DMD: variants seen among roughly 807,000 people sequenced by gnomAD.
DMD encodes dystrophin.
A neutral mutation model predicts 330.1 loss-of-function variants in DMD; 63 were observed. The observed-to-expected ratio is 0.19, with a 90% CI of 0.16 to 0.24. DMD has a LOEUF of 0.24. Among genes scored for constraint, DMD ranks in the 10% least tolerant of loss-of-function variants. The pLI, the probability that DMD is intolerant of heterozygous loss-of-function variation, is 1.00. For missense variants in DMD, 3,344 were observed against 2,684.1 expected (o/e 1.25, Z -5.43); for synonymous variants, 1,223 against 959.8 (o/e 1.27, Z -5.07).
At chrX:32,482,778 G>T (rs2042027432) in intron 21 of DMD, among the ~76,000 whole-genome samples, 1 of 110,979 alleles carries the variant, frequency 9.0e-6, no homozygotes, top group Non-Finnish European at 1.9e-5. Context: ...AGTAAAAAGT[G>T]CTTTGAAAAT....
chrX:32,728,415 G>A (rs2067142102), intron 7 of DMD, among the ~76,000 whole-genome samples: 2 of 111,814 alleles, frequency 1.8e-5, no homozygotes, highest in Admixed American at 1.9e-4. Context: ...CATAAATGGA[G>A]TCCAGGCACT....
intron 7 of DMD, among the ~76,000 whole-genome samples, chrX:32,733,017 C>A (rs957764079): frequency 9.1e-6 from 1 of 110,426 alleles, no homozygotes; most frequent in Non-Finnish European, 1.9e-5. Context: ...TCAGGAAACC[C>A]ATCTCATGTG....
chrX:31,743,763 A>C (rs1390291902), intron 51 of DMD, among the ~76,000 whole-genome samples: 2 of 111,954 alleles, frequency 1.8e-5, no homozygotes, highest in African/African-American at 6.5e-5. Flanking sequence ...TGACAGTATC[A>C]TTTGTACTCC....
chrX:31,484,017 A>C (rs1428962643), intron 57 of DMD, among the ~76,000 whole-genome samples: 1 of 111,922 alleles, frequency 8.9e-6, no homozygotes, highest in Non-Finnish European at 1.9e-5. Flanking sequence ...GCAATGTAGA[A>C]TCTGCATTAA....
At chrX:33,168,116 T>A (rs2049150955) in intron 1 of DMD, among the ~76,000 whole-genome samples, 1 of 109,959 alleles carries the variant, frequency 9.1e-6, no homozygotes, top group Non-Finnish European at 1.9e-5. Context: ...TGCATGTGTG[T>A]GTGTGTTTGT....
intron 12 of DMD, among the ~76,000 whole-genome samples, chrX:32,601,188 A>G (rs1288217026): frequency 9.0e-6 from 1 of 111,480 alleles, no homozygotes; most frequent in Admixed American, 9.6e-5. Flanking sequence ...TCACTTTGCT[A>G]AGCCTGGCTG....
chrX:32,298,683 C>G (rs1340317843), intron 42 of DMD, among the ~76,000 whole-genome samples: 1 of 110,505 alleles, frequency 9.0e-6, no homozygotes, highest in Non-Finnish European at 1.9e-5. Flanking sequence ...TGTAGACAAT[C>G]TTAGCCATTT....
intron 50 of DMD, among the ~76,000 whole-genome samples, chrX:31,776,819 T>G (rs761689721): frequency 8.9e-6 from 1 of 111,905 alleles, no homozygotes; most frequent in Non-Finnish European, 1.9e-5. Context: ...GATGATAAAT[T>G]AGCTGAAGCA....
intron 2 of DMD, among the ~76,000 whole-genome samples, chrX:32,906,838 G>A (rs2086768790): frequency 9.0e-6 from 1 of 111,409 alleles, no homozygotes; most frequent in Non-Finnish European, 1.9e-5. Flanking sequence ...GAGAGGGACT[G>A]TACTAATTTG....
At chrX:33,129,658 G>A (rs893180444) in intron 1 of DMD, among the ~76,000 whole-genome samples, 1 of 109,022 alleles carries the variant, frequency 9.2e-6, no homozygotes, top group Non-Finnish European at 1.9e-5. Flanking sequence ...TTTCAGATGC[G>A]GAAATTTCAT....
chrX:32,557,102 C>T (rs1298998791), intron 16 of DMD, among the ~76,000 whole-genome samples: 1 of 111,082 alleles, frequency 9.0e-6, no homozygotes, highest in Admixed American at 9.7e-5. Context: ...CTCACAATGG[C>T]CCTAAGAGTA....
At chrX:33,072,406 G>A (rs867210) in intron 1 of DMD, among the ~76,000 whole-genome samples, 2,447 of 111,937 alleles carry the variant, frequency 0.022, 58 homozygotes, top group African/African-American at 0.076. Context: ...CGATAAGAGT[G>A]AAACTCTGTT....
chrX:32,455,085 G>A (rs759622971), intron 25 of DMD, among the ~76,000 whole-genome samples: 1 of 111,011 alleles, frequency 9.0e-6, no homozygotes, highest in Non-Finnish European at 1.9e-5. Context: ...TAATTCAGCT[G>A]TTTGTGTGAC....
intron 9 of DMD, among the ~76,000 whole-genome samples, chrX:32,650,219 T>C (rs2060057433): frequency 8.9e-6 from 1 of 112,095 alleles, no homozygotes; most frequent in Non-Finnish European, 1.9e-5. Flanking sequence ...TAAAATGGAT[T>C]TTGGCAATTT....
At chrX:31,452,831 T>C (rs150896518) in intron 59 of DMD, among the ~76,000 whole-genome samples, 226 of 111,739 alleles carry the variant, frequency 2.0e-3, no homozygotes, top group African/African-American at 7.0e-3. Context: ...ATTTCCTTCA[T>C]GTATAAAATT....
Position 31,794,718 on chromosome X carries a change from CT to C in DMD, c.7310-20527del, listed in dbSNP as rs373671829. Among the ~76,000 whole-genome samples the C allele has an allele frequency of 9.8e-3, 977 of 99,245 alleles. 6 individuals carry two copies. The highest frequency in any genetic ancestry group is 0.027 in the African/African-American group (737 of 27,553). 86.2% of individuals were successfully genotyped at this position (99,245 alleles called of 115,157 possible). ...ATTGTATTATGATAAGCTAGTTCCT[CT>C]TTTTTTTTTTTTTAAGTTGAGCTAT... On this transcript the variant is annotated intron_variant, in intron 50 of 78. Coordinates refer to ENST00000357033, the MANE Select transcript of DMD (RefSeq NM_004006.3).
rs914874705 is a variant in DMD at position 32,493,632 on chromosome X, A to G, written c.2381-2114T>C. Among the ~76,000 whole-genome samples, 5 of 112,139 alleles carry G rather than the reference A, an allele frequency of 4.5e-5. 1 individual carries two copies. The highest frequency in any genetic ancestry group is 1.9e-4 in the Admixed American group (2 of 10,510). On this transcript the variant is annotated intron_variant, in intron 19 of 78. Transcript: ENST00000357033. ...GTTATAAAATGACCACATTTGGTATAAAGTGTAAGAGAAGAATATGAAACT... is the reference window on the plus strand; with the variant it reads ...GTTATAAAATGACCACATTTGGTATGAAGTGTAAGAGAAGAATATGAAACT...
intron 2 of DMD, among the ~76,000 whole-genome samples, chrX:32,893,174 A>T (rs1289216391): frequency 8.9e-6 from 1 of 111,879 alleles, no homozygotes; most frequent in Non-Finnish European, 1.9e-5. Flanking sequence ...TTTTGTTTTG[A>T]TTATTCGGTT....
chrX:31,892,238 A>G (rs1214450048), intron 47 of DMD, among the ~76,000 whole-genome samples: 2 of 112,367 alleles, frequency 1.8e-5, no homozygotes, highest in Non-Finnish European at 3.8e-5. Context: ...AAATAAAACA[A>G]AAATTTAAAA....
Sources: gnomAD v4.1 joint callset for allele counts (sites outside exome capture counted in the v4.1 genomes callset) on GRCh38, gnomAD v4.1.1 for gene constraint, MANE v1.5 for transcripts, NCBI Gene and HGNC (gene_info 2026-07-23, HGNC 2026-07-21) for gene names.